Variants in FRAS1 observed in about 807,000 individuals in gnomAD.
FRAS1 encodes extracellular matrix organizing protein FRAS1.
In FRAS1, 290 loss-of-function variants were observed where a neutral mutation model predicts 435.2. The ratio of observed to expected loss-of-function variants is 0.67; its 90% confidence interval spans 0.61 to 0.73. The LOEUF (loss-of-function observed/expected upper bound fraction) is 0.73. FRAS1 is among the 30% of genes least tolerant of loss of function. The pLI is 0.00. For missense variants in FRAS1, 4,860 were observed against 5,001.5 expected (o/e 0.97, Z 0.85); for synonymous variants, 1,800 against 1,851.0 (o/e 0.97, Z 0.71).
At chr4:78,431,524 A>G (rs1479639702) in intron 37 of FRAS1, among the ~76,000 whole-genome samples, 1 of 152,212 alleles carries the variant, frequency 6.6e-6, no homozygotes, top group Non-Finnish European at 1.5e-5. Flanking sequence ...AAATTCTTCA[A>G]TCTCAATACA....
In FRAS1 at chr4:78,521,580, G is replaced by A. The variant is rs115878217; in HGVS notation, c.10598G>A (p.Arg3533Gln). 1,813 of 1,611,186 alleles carry A rather than the reference G, an allele frequency of 1.1e-3. 30 individuals are homozygous for A. In the African/African-American group the frequency reaches 0.021, roughly 19 times the overall value. Residue 3533 changes from arginine to glutamine, a missense_variant, in exon 68 of 74, where the codon CGA (arginine) becomes CAA (glutamine). Arg to Gln is a conservative substitution (Grantham distance 43). Transcript: ENST00000512123. ...CTTCAGATAATAAGAATCTACATTC[G>A]AGAGGATGGCCGTCTTGTCATTGAA... ...ARLQIIRIYI[R>Q]EDGRLVIEFK...
chr4:78,283,897 A>G (rs1727447827), intron 12 of FRAS1, among the ~76,000 whole-genome samples: 1 of 152,224 alleles, frequency 6.6e-6, no homozygotes, highest in African/African-American at 2.4e-5. Flanking sequence ...CACTAAATTC[A>G]GTGATAACCC....
intron 33 of FRAS1, among the ~76,000 whole-genome samples, chr4:78,419,795 G>A (rs1474488239): frequency 6.6e-6 from 1 of 152,180 alleles, no homozygotes; most frequent in African/African-American, 2.4e-5. Context: ...CATGGCGGAA[G>A]GTGAAGGGGA....
chr4:78,508,958 C>T lies in FRAS1; in HGVS notation c.9732C>T (p.Pro3244=), dbSNP rs756958123. 1.2e-6 allele frequency: 2 copies of T among 1,613,870 alleles called. No individual in the cohort carries two copies. The highest frequency in any genetic ancestry group is 1.7e-6 in the Non-Finnish European group (2 of 1,179,882). The change falls in exon 63 of 74, where the codon CCC becomes CCT. Residue 3244 remains proline (P), a synonymous_variant. Coordinates refer to ENST00000512123, the MANE Select transcript of FRAS1 (RefSeq NM_025074.7). ...APTDGNGARS[P]FETITDNTPF... Reference sequence around the variant, plus strand: ...CTGATGGCAATGGGGCCCGGTCTCCCTTTGAAACCATCACTGACAACACAC... The same window carrying T: ...CTGATGGCAATGGGGCCCGGTCTCCTTTTGAAACCATCACTGACAACACAC...
At chr4:78,433,806 G>T (rs1368335836) in intron 38 of FRAS1, among the ~76,000 whole-genome samples, 1 of 152,182 alleles carries the variant, frequency 6.6e-6, no homozygotes, top group Non-Finnish European at 1.5e-5. Context: ...CTTGAAAAAT[G>T]TTTCACAGTC....
At chr4:78,409,542 T>C (rs1733252653) in intron 31 of FRAS1, among the ~76,000 whole-genome samples, 1 of 152,156 alleles carries the variant, frequency 6.6e-6, no homozygotes, top group Non-Finnish European at 1.5e-5. Flanking sequence ...TGGTTAATTA[T>C]AAAATGCTAG....
chr4:78,077,742 A>T (rs1740714899), intron 2 of FRAS1, among the ~76,000 whole-genome samples: 1 of 152,218 alleles, frequency 6.6e-6, no homozygotes, highest in African/African-American at 2.4e-5. Flanking sequence ...GAAAGCAATT[A>T]AAAAGGGTAA....
chr4:78,447,693 G>T (rs1560733847), intron 43 of FRAS1, among the ~76,000 whole-genome samples: 2 of 152,156 alleles, frequency 1.3e-5, no homozygotes, highest in African/African-American at 4.8e-5. Flanking sequence ...CTAAGAGAAA[G>T]ACAGTGAGTG....
intron 14 of FRAS1, among the ~76,000 whole-genome samples, chr4:78,305,853 T>C (rs367813103): frequency 1.3e-3 from 196 of 151,776 alleles, no homozygotes; most frequent in Admixed American, 5.4e-3. Context: ...GAGCATTTAG[T>C]CCATTTACAT....
intron 45 of FRAS1, 198 bp downstream of exon 45, chr4:78,450,537 G>A: frequency 1.8e-6 from 1 of 565,596 alleles, no homozygotes; most frequent in South Asian, 2.2e-5. Context: ...TGGTTGAAAT[G>A]TGTTCATGCT....
rs75802990 is a variant in FRAS1, at chr4:78,516,095, G to A, written c.10389+82G>A. Reference sequence around the variant, plus strand: ...GTTTGTTCCTGAAGCACTTCAATTAGCACTTTGCCTCCAGAACTGGGACAA... The same window carrying A: ...GTTTGTTCCTGAAGCACTTCAATTAACACTTTGCCTCCAGAACTGGGACAA... On this transcript the variant is annotated intron_variant, in intron 66 of 73. Transcript: ENST00000512123. 2,778 of 1,086,302 alleles carry A rather than the reference G, an allele frequency of 2.6e-3. 53 individuals are homozygous for A. The African/African-American group carries it at 0.041, about 16-fold the overall frequency. 67.3% of individuals were successfully genotyped at this position (1,086,302 alleles called of 1,614,324 possible). A position where few individuals can be genotyped will look rare whatever the true frequency, so the allele number is the denominator to read the frequency against.
chr4:78,451,745 A>G (rs780547532), intron 45 of FRAS1, 27 bp from the exon 46 acceptor site: 16 of 1,565,154 alleles, frequency 1.0e-5, no homozygotes, highest in Non-Finnish European at 1.2e-5. Flanking sequence ...ACTAATAGCA[A>G]ATCTTGATTT....
At position 78,356,446 on chromosome 4, in the gene FRAS1, C is replaced by T. The variant is rs144482682; in HGVS notation, c.2423-7067C>T. ...TTTTAAAAGGAGTTCTGAGAACTGACCATGAGTGAAAAGGTCTTCCCCAGT... is the reference window on the plus strand; with the variant it reads ...TTTTAAAAGGAGTTCTGAGAACTGATCATGAGTGAAAAGGTCTTCCCCAGT... On this transcript the variant is annotated intron_variant, in intron 20 of 73. Transcript: ENST00000512123. Among the ~76,000 whole-genome samples, 4 of 152,212 alleles carry T rather than the reference C, an allele frequency of 2.6e-5. 1 individual carries two copies. The East Asian group carries it at 7.7e-4, about 29-fold the overall frequency.
chr4:78,317,884 A>C (rs1206787718), intron 17 of FRAS1, among the ~76,000 whole-genome samples: 3 of 152,206 alleles, frequency 2.0e-5, no homozygotes, highest in Non-Finnish European at 4.4e-5. Context: ...TGCTGAGCAA[A>C]CTGAGAGTCA....
chr4:78,489,662 G>T (rs796428973), intron 59 of FRAS1, among the ~76,000 whole-genome samples: 1 of 152,252 alleles, frequency 6.6e-6, no homozygotes, highest in African/African-American at 2.4e-5. Flanking sequence ...ACATATCATT[G>T]GTTGATCTGA....
chr4:78,494,139 A>G (rs1005180568), intron 59 of FRAS1, among the ~76,000 whole-genome samples: 4 of 151,982 alleles, frequency 2.6e-5, no homozygotes, highest in African/African-American at 4.8e-5. Flanking sequence ...TGTTTTATGT[A>G]TACAGTTTTA....
chr4:78,409,105 C>T (rs958395369), intron 31 of FRAS1, among the ~76,000 whole-genome samples: 5 of 124,038 alleles, frequency 4.0e-5, no homozygotes, highest in African/African-American at 9.3e-5. Flanking sequence ...GATGACAGAG[C>T]GAGACCCTCT....
At chr4:78,326,541 G>A (rs978121106) in intron 18 of FRAS1, among the ~76,000 whole-genome samples, 8 of 152,190 alleles carry the variant, frequency 5.3e-5, no homozygotes, top group Non-Finnish European at 8.8e-5. Flanking sequence ...AGAAGTAGAT[G>A]CAGAGTAGTA....
At chr4:78,246,398 C>G (rs570874710) in intron 4 of FRAS1, among the ~76,000 whole-genome samples, 1 of 152,230 alleles carries the variant, frequency 6.6e-6, no homozygotes, top group East Asian at 1.9e-4. Context: ...TTATCTTACT[C>G]GAGCCACTGT....
Sources: gnomAD v4.1 joint callset for allele counts (sites outside exome capture counted in the v4.1 genomes callset) on GRCh38, gnomAD v4.1.1 for gene constraint, MANE v1.5 for transcripts, NCBI Gene and HGNC (gene_info 2026-07-23, HGNC 2026-07-21) for gene names.